Variants in MRPL33 observed in about 807,000 individuals in gnomAD.
The protein encoded by MRPL33 is mitochondrial ribosomal protein L33, also known as large ribosomal subunit protein bL33m.
In MRPL33, 5 loss-of-function variants were observed where a neutral mutation model predicts 10.1. The observed-to-expected ratio is 0.49, with a 90% CI of 0.26 to 1.04. The LOEUF is 1.04. Ranked by LOEUF, MRPL33 falls within the 50% of genes least tolerant of loss-of-function variation. The pLI is 0.14. For missense variants in MRPL33, 79 were observed against 78.1 expected, an observed-to-expected ratio of 1.01 and a Z score of -0.04; for synonymous variants, 24 against 27.7, an observed-to-expected ratio of 0.87 and a Z score of 0.42.
At chr2:27,772,038 G>A in intron 1 of MRPL33, 1 of 506,882 alleles carries the variant, frequency 2.0e-6, no homozygotes, top group Non-Finnish European at 3.5e-6. Context: ...CGTCCTCACG[G>A]ACCGTTGAGT....
intron 2 of MRPL33, among the ~76,000 whole-genome samples, chr2:27,773,085 C>G (rs1394747494): frequency 1.3e-5 from 2 of 152,198 alleles, no homozygotes; most frequent in Non-Finnish European, 2.9e-5. Flanking sequence ...AGAACAAACT[C>G]TGCTTTGATT....
intron 3 of MRPL33, among the ~76,000 whole-genome samples, chr2:27,777,613 C>T (rs1300927133): frequency 6.6e-6 from 1 of 152,092 alleles, no homozygotes; most frequent in Non-Finnish European, 1.5e-5. Context: ...TGTGTGGGCA[C>T]CTCATGATGT....
intron 3 of MRPL33, among the ~76,000 whole-genome samples, chr2:27,776,151 A>G (rs781600632): frequency 4.6e-5 from 7 of 152,272 alleles, no homozygotes. Context: ...CATAGTTCAA[A>G]GTGGGAGAAA....
intron 3 of MRPL33, among the ~76,000 whole-genome samples, chr2:27,779,053 T>TG: frequency 6.6e-6 from 1 of 152,362 alleles, no homozygotes; most frequent in Admixed American, 6.5e-5. Flanking sequence ...ACTTGGTTCT[T>TG]GCTGCTCTCT....
chr2:27,771,745 G>A lies in MRPL33; in HGVS notation c.-33G>A, dbSNP rs1351707246. 6 of 1,614,022 alleles carry A rather than the reference G, an allele frequency of 3.7e-6. No individual in the cohort carries two copies. The East Asian group carries it at 1.3e-4, about 36-fold the overall frequency. ...GTTGTTGTTGGTTGGGGGCCTTTTGGCCGGTGACGGAGACTGCCCAGGTGT... is the reference window on the plus strand; with the variant it reads ...GTTGTTGTTGGTTGGGGGCCTTTTGACCGGTGACGGAGACTGCCCAGGTGT... On this transcript the variant is annotated 5_prime_UTR_variant, in exon 1 of 4. Transcript: ENST00000296102.
rs1677079500 is a variant in MRPL33 at position 27,772,879 on chromosome 2, G to A, written c.41+187G>A. On this transcript the variant is annotated intron_variant, in intron 2 of 3. Coordinates refer to ENST00000296102, the MANE Select transcript of MRPL33 (RefSeq NM_004891.4). Reference sequence around the variant, plus strand: ...TTTCAAAAATATTTTCCCTCCTGCTGAACTGAGCTACTTCTGTGAGCATTG... The same window carrying A: ...TTTCAAAAATATTTTCCCTCCTGCTAAACTGAGCTACTTCTGTGAGCATTG... 1.1e-5 allele frequency: 6 copies of A among 566,448 alleles called. No individual in the cohort carries two copies. In the East Asian group the frequency reaches 1.8e-4, roughly 17 times the overall value. 35.1% of individuals were successfully genotyped at this position (566,448 alleles called of 1,614,324 possible).
In MRPL33 at chr2:27,772,680, A is replaced by G; in HGVS notation, c.29A>G (p.Lys10Arg). 1 of 1,601,982 alleles carries G rather than the reference A, an allele frequency of 6.2e-7. No homozygotes were observed. Among genetic ancestry groups the G allele is most frequent in the Non-Finnish European group, 8.5e-7 (1 of 1,171,938 alleles). ...CTTCCTGTCTACAAAAAAGTTGCCAAGAGCAAGTCAAAGTAAGTAAAGATT... is the reference window on the plus strand; with the variant it reads ...CTTCCTGTCTACAAAAAAGTTGCCAGGAGCAAGTCAAAGTAAGTAAAGATT... MFLSAVFFA[K>R]SKSKNILVRM... The change falls in exon 2 of 4, where the codon AAG (lysine) becomes AGG (arginine). Residue 10 changes from lysine to arginine, a missense_variant. Coordinates refer to ENST00000296102, the MANE Select transcript of MRPL33 (RefSeq NM_004891.4).
intron 3 of MRPL33, among the ~76,000 whole-genome samples, chr2:27,778,689 G>T (rs1677220053): frequency 6.6e-6 from 1 of 152,094 alleles, no homozygotes; most frequent in African/African-American, 2.4e-5. Context: ...CGCGTAGCTG[G>T]GATTACAGGC....
In MRPL33 at chr2:27,771,753, C is replaced by T. The variant is rs771764411; in HGVS notation, c.-25C>T. On this transcript the variant is annotated 5_prime_UTR_variant, in exon 1 of 4. It adds an upstream start codon to the 5' untranslated region. Coordinates refer to ENST00000296102, the MANE Select transcript of MRPL33 (RefSeq NM_004891.4). ...TGGTTGGGGGCCTTTTGGCCGGTGA[C>T]GGAGACTGCCCAGGTGTGGTCACCA... is the stretch of plus-strand genomic sequence containing the variant. The T allele has an allele frequency of 3.1e-6, 5 of 1,614,040 alleles. No individual in the cohort carries two copies. Among genetic ancestry groups the T allele is most frequent in the Non-Finnish European group, 4.2e-6 (5 of 1,179,944 alleles).
chr2:27,771,794 T>C lies in MRPL33; in HGVS notation c.17T>C (p.Val6Ala), dbSNP rs1369105820. The change falls in exon 1 of 4, where the codon GTC becomes GCC. Residue 6 changes from valine (V) to alanine (A), a missense_variant. By Grantham distance (64) the Val-to-Ala change is moderately conservative. Coordinates refer to ENST00000296102, the MANE Select transcript of MRPL33 (RefSeq NM_004891.4). MFLSAVFFAKSKSKNI... is the reference protein window; with the variant it reads MFLSAAFFAKSKSKNI... ...GTGGTCACCATGTTCCTCTCCGCGG[T>C]CTTCTGTAAGTGGGGCTGGAGACGC... is the stretch of plus-strand genomic sequence containing the variant. 6.2e-7 allele frequency: 1 copy of C among 1,613,712 alleles called. No individual in the cohort carries two copies. Among genetic ancestry groups the C allele is most frequent in the Non-Finnish European group, 8.5e-7 (1 of 1,179,778 alleles).
At chr2:27,777,212 T>G (rs1558528654) in intron 3 of MRPL33, among the ~76,000 whole-genome samples, 2 of 152,074 alleles carry the variant, frequency 1.3e-5, no homozygotes, top group Non-Finnish European at 2.9e-5. Context: ...TTGGTTTTTT[T>G]TGTACAGTGT....
chr2:27,779,596 C>G lies in MRPL33; in HGVS notation c.*114C>G, dbSNP rs772288400. The G allele has an allele frequency of 1.9e-6, 3 of 1,574,772 alleles. No individual in the cohort carries two copies. The highest frequency in any genetic ancestry group is 1.7e-6 in the Non-Finnish European group (2 of 1,165,418). On this transcript the variant is annotated 3_prime_UTR_variant, in exon 4 of 4. Coordinates refer to ENST00000296102, the MANE Select transcript of MRPL33 (RefSeq NM_004891.4). ...AGAGGAAATGGCATGGAATCACTGC[C>G]TCCTGTGATTTGAAGGCCATTGTGA...
At position 27,779,543 on chromosome 2, in the gene MRPL33, C is replaced by G; in HGVS notation, c.*61C>G. 5.0e-6 allele frequency: 8 copies of G among 1,609,454 alleles called. No individual in the cohort carries two copies. The highest frequency in any genetic ancestry group is 5.9e-6 in the Non-Finnish European group (7 of 1,178,724). ...AAGACTGAGGGCGGGGATACTGATT[C>G]AGAAATCCTGTAGCGTGTAATAAAA... On this transcript the variant is annotated 3_prime_UTR_variant, in exon 4 of 4. Transcript: ENST00000296102.
intron 1 of MRPL33, 176 bp downstream of exon 1, chr2:27,771,975 G>C (rs1677057863): frequency 1.5e-6 from 1 of 670,006 alleles, no homozygotes. Context: ...GCGCCTCCCT[G>C]CGCGGACCTG....
chr2:27,774,416 A>G lies in MRPL33; in HGVS notation c.42-8A>G. The G allele has an allele frequency of 6.2e-7, 1 of 1,612,480 alleles. No homozygotes were observed. The highest frequency in any genetic ancestry group is 8.5e-7 in the Non-Finnish European group (1 of 1,178,566). On this transcript the variant is annotated splice_region_variant and splice_polypyrimidine_tract_variant and intron_variant, in intron 2 of 3. Transcript: ENST00000296102. ...GCTCGTACATAACAGCGTACTTTTT[A>G]ATCTTAGAAACATTCTGGTGAGAAT...
At chr2:27,771,945 C>T (rs1208661345) in intron 1 of MRPL33, 146 bp downstream of exon 1, 4 of 844,928 alleles carry the variant, frequency 4.7e-6, no homozygotes, top group Non-Finnish European at 7.3e-6. Context: ...AGGACCACAG[C>T]GTCCGGCATG....
intron 2 of MRPL33, among the ~76,000 whole-genome samples, chr2:27,773,160 T>C (rs927483016): frequency 2.0e-5 from 3 of 152,216 alleles, no homozygotes; most frequent in Admixed American, 1.3e-4. Context: ...ATTTCAAAAA[T>C]AGCCAAGATT....
At chr2:27,777,421 A>G (rs1242370646) in intron 3 of MRPL33, among the ~76,000 whole-genome samples, 1 of 141,454 alleles carries the variant, frequency 7.1e-6, no homozygotes, top group Non-Finnish European at 1.5e-5. Flanking sequence ...TGGTCAGGCC[A>G]TGGATCCCCA....
intron 2 of MRPL33, 95 bp downstream of exon 2, chr2:27,772,787 T>C (rs1677078486): frequency 1.0e-6 from 1 of 982,102 alleles, no homozygotes. Context: ...AAATTAAGCA[T>C]TGGGCCTTGA....
Sources: allele counts gnomAD v4.1 joint callset (sites outside exome capture counted in the v4.1 genomes callset), GRCh38; gene constraint gnomAD v4.1.1; transcripts MANE v1.5; gene names NCBI Gene and HGNC (gene_info 2026-07-23, HGNC 2026-07-21).